Variants in ADAM32 observed in about 807,000 individuals in gnomAD.
ADAM32 encodes disintegrin and metalloproteinase domain-containing protein 32.
A neutral mutation model predicts 114.9 loss-of-function variants in ADAM32; 89 were observed. The ratio of observed to expected loss-of-function variants is 0.77; its 90% CI spans 0.65 to 0.92. The LOEUF is 0.92. Ranked by LOEUF, ADAM32 falls within the 40% of genes least tolerant of loss-of-function variation. The probability of loss-of-function intolerance (pLI) is 0.00; values close to 1 mark genes in which losing one functional copy is unlikely to be tolerated. For synonymous variants in ADAM32, 285 were observed against 307.5 expected (o/e 0.93, Z 0.77); for missense variants, 870 against 932.8 (o/e 0.93, Z 0.88).
chr8:39,243,108 TAATAAC>T (rs1045006324), intron 16 of ADAM32, among the ~76,000 whole-genome samples: 2 of 151,926 alleles, frequency 1.3e-5, no homozygotes, highest in African/African-American at 2.4e-5. Context: ...CTGAACAGAC[TAATAAC>T]AAGCAGTGAG....
chr8:39,154,421 T>A (rs1241182011), intron 6 of ADAM32, among the ~76,000 whole-genome samples: 2 of 152,250 alleles, frequency 1.3e-5, no homozygotes, highest in African/African-American at 2.4e-5. Flanking sequence ...TGCCACATTT[T>A]CTTTATCCAG....
intron 11 of ADAM32, among the ~76,000 whole-genome samples, chr8:39,204,526 A>G (rs111684445): frequency 6.6e-6 from 1 of 152,134 alleles, no homozygotes; most frequent in African/African-American, 2.4e-5. Flanking sequence ...CTAGTTAGCC[A>G]TTCGTCTAAT....
At chr8:39,284,536 T>A (rs1328080910) in intron 24 of ADAM32, among the ~76,000 whole-genome samples, 1 of 151,854 alleles carries the variant, frequency 6.6e-6, no homozygotes, top group East Asian at 1.9e-4. Flanking sequence ...TCATTTTATA[T>A]GAAAAAATTT....
intron 3 of ADAM32, among the ~76,000 whole-genome samples, chr8:39,142,935 C>T (rs1444416636): frequency 6.6e-6 from 1 of 152,112 alleles, no homozygotes; most frequent in East Asian, 1.9e-4. Flanking sequence ...ATCTTGTCTT[C>T]TCACTTTATT....
At chr8:39,216,356 G>A (rs987298892) in intron 12 of ADAM32, among the ~76,000 whole-genome samples, 3 of 151,856 alleles carry the variant, frequency 2.0e-5, no homozygotes, top group African/African-American at 7.2e-5. Context: ...AATTCGTTCA[G>A]CCACTCTTTG....
intron 6 of ADAM32, among the ~76,000 whole-genome samples, chr8:39,152,994 G>A (rs1803932791): frequency 6.6e-6 from 1 of 152,176 alleles, no homozygotes; most frequent in Non-Finnish European, 1.5e-5. Flanking sequence ...CAAGGATGAG[G>A]CTGACGCCAT....
intron 11 of ADAM32, among the ~76,000 whole-genome samples, chr8:39,204,047 C>T (rs571091228): frequency 3.9e-4 from 59 of 152,320 alleles, no homozygotes; most frequent in Middle Eastern, 3.4e-3. Flanking sequence ...GGACCCGTCT[C>T]TCTGGCTGCC....
intron 9 of ADAM32, chr8:39,165,623 T>G (rs1462160470): frequency 2.0e-5 from 3 of 152,552 alleles, no homozygotes; most frequent in Non-Finnish European, 4.4e-5. Flanking sequence ...ATGAATTTTC[T>G]GAGTAATTTT....
rs1265913577 is a variant in ADAM32 at position 39,270,904 on chromosome 8, T to C, written c.2191T>C (p.Tyr731His). The change falls in exon 20 of 25, where the codon TAT (tyrosine) becomes CAT (histidine). Residue 731 changes from tyrosine to histidine, a missense_variant. Transcript: ENST00000379907. ...TAAATCGGAAGGTAGCACACAGACA[T>C]ATGCCAGCCAGTAAGTAGTTTAGAA... ...ESKSEGSTQT[Y>H]ASQSSSEGST... 1 of 1,610,452 alleles carries C rather than the reference T, an allele frequency of 6.2e-7. No individual in the cohort carries two copies. The highest frequency in any genetic ancestry group is 2.2e-5 in the East Asian group (1 of 44,742).
intron 10 of ADAM32, among the ~76,000 whole-genome samples, chr8:39,179,274 G>A (rs531636263): frequency 1.8e-4 from 27 of 152,280 alleles, no homozygotes; most frequent in South Asian, 8.3e-4. Flanking sequence ...AGATGTGGCC[G>A]CTCCTTCCCC....
intron 11 of ADAM32, among the ~76,000 whole-genome samples, chr8:39,207,905 C>A (rs762537371): frequency 6.6e-6 from 1 of 152,196 alleles, no homozygotes; most frequent in Non-Finnish European, 1.5e-5. Flanking sequence ...GATAAGATTG[C>A]ATTCCTTTTT....
chr8:39,284,787 C>G lies in ADAM32; in HGVS notation c.2358-6C>G. The G allele has an allele frequency of 6.2e-7, 1 of 1,613,700 alleles. No homozygotes were observed. Among genetic ancestry groups the G allele is most frequent in the Non-Finnish European group, 8.5e-7 (1 of 1,179,746 alleles). ...TGAGCACGTGTTTTTTTGTTCTCTT[C>G]CACAGTAACTAGTGATTCCTTCAGA... On this transcript the variant is annotated splice_polypyrimidine_tract_variant and splice_region_variant and intron_variant, in intron 24 of 24. Coordinates refer to ENST00000379907, the MANE Select transcript of ADAM32 (RefSeq NM_145004.7).
At position 39,147,232 on chromosome 8, in the gene ADAM32, G is replaced by GT. The variant is rs534815261; in HGVS notation, c.276+35dup. 121 of 942,642 alleles carry GT rather than the reference G, an allele frequency of 1.3e-4. 1 individual carries two copies. The highest frequency in any genetic ancestry group is 4.1e-4 in the South Asian group (12 of 29,286). The allele number at this position is 942,642 out of a possible 1,614,324, so 58.4% of individuals were successfully genotyped here. Reference sequence around the variant, plus strand: ...TAAGATTTAAATTCTGTGTTTTATAGTTTTTTTTAAATTTTTTTACATTAA... The same window carrying GT: ...TAAGATTTAAATTCTGTGTTTTATAGTTTTTTTTTAAATTTTTTTACATTAA... On this transcript the variant is annotated intron_variant, in intron 4 of 24. Transcript: ENST00000379907.
chr8:39,121,047 A>G (rs186590511), intron 2 of ADAM32, among the ~76,000 whole-genome samples: 10 of 152,342 alleles, frequency 6.6e-5, no homozygotes, highest in Non-Finnish European at 5.9e-5. Flanking sequence ...TATTTAGCAA[A>G]AAGGAACAAG....
In ADAM32 at chr8:39,138,377, T is replaced by C. The variant is rs565182968; in HGVS notation, c.200+1659T>C. On this transcript the variant is annotated intron_variant, in intron 3 of 24. Coordinates refer to ENST00000379907, the MANE Select transcript of ADAM32 (RefSeq NM_145004.7). ...TGTGACATCCCCTGCCCTGTGTCCA[T>C]GTGTTCTCATTGTTCAACTCCGACC... 8.6e-4 allele frequency among the ~76,000 whole-genome samples: 130 copies of C among 151,238 alleles called. 1 individual carries two copies. The highest frequency in any genetic ancestry group is 1.6e-3 in the Non-Finnish European group (106 of 67,756).
intron 22 of ADAM32, among the ~76,000 whole-genome samples, chr8:39,276,743 T>A (rs1034098701): frequency 2.6e-5 from 4 of 152,102 alleles, no homozygotes; most frequent in African/African-American, 9.7e-5. Flanking sequence ...GAGTCATGAG[T>A]TTATCTTTAA....
rs1812925259 is a variant in ADAM32 at position 39,274,167 on chromosome 8, C to T, written c.2202-145C>T. The T allele has an allele frequency of 3.9e-6, 3 of 764,396 alleles. No homozygotes were observed. The South Asian group carries it at 5.0e-5, about 13-fold the overall frequency. The allele number at this position is 764,396 out of a possible 1,614,324, so 47.4% of individuals were successfully genotyped here. ...AATGTTATTTATTTGCATCTATGTT[C>T]AGTGACCTTTGGACATCATTTTATT... On this transcript the variant is annotated intron_variant, in intron 20 of 24. Transcript: ENST00000379907.
chr8:39,164,987 CATAA>C, intron 8 of ADAM32, 39 bp from the exon 9 acceptor site: 1 of 1,537,020 alleles, frequency 6.5e-7, no homozygotes, highest in Non-Finnish European at 8.8e-7. Flanking sequence ...TATAAGATAA[CATAA>C]ATATTAATTA....
intron 6 of ADAM32, 62 bp downstream of exon 6, chr8:39,151,610 A>T: frequency 2.5e-6 from 3 of 1,188,356 alleles, no homozygotes; most frequent in Non-Finnish European, 2.3e-6. Context: ...TAATTTATTT[A>T]AAAAATAAAT....
Sources: allele counts gnomAD v4.1 joint callset (sites outside exome capture counted in the v4.1 genomes callset), GRCh38; gene constraint gnomAD v4.1.1; transcripts MANE v1.5; gene names NCBI Gene and HGNC (gene_info 2026-07-23, HGNC 2026-07-21).